Variants in MGMT observed in about 807,000 individuals in gnomAD.
The protein encoded by MGMT is methylated-DNA--protein-cysteine methyltransferase.
A neutral mutation model predicts 15.9 loss-of-function variants in MGMT; 14 were observed. The ratio of observed to expected loss-of-function variants is 0.88; its 90% CI spans 0.58 to 1.37. MGMT has a LOEUF of 1.37. Ranked by LOEUF, MGMT falls within the 40% of genes most tolerant of loss-of-function variation. The pLI, the probability that MGMT is intolerant of heterozygous loss-of-function variation, is 0.00. For synonymous variants in MGMT, 130 were observed against 118.2 expected, an observed-to-expected ratio of 1.10 and a Z score of -0.65; for missense variants, 282 against 268.1, an observed-to-expected ratio of 1.05 and a Z score of -0.36.
chr10:129,654,164 G>A (rs1847497223), intron 2 of MGMT, among the ~76,000 whole-genome samples: 1 of 152,182 alleles, frequency 6.6e-6, no homozygotes, highest in Non-Finnish European at 1.5e-5. Flanking sequence ...AAAGATGCAG[G>A]TGGGAAGCTG....
intron 2 of MGMT, among the ~76,000 whole-genome samples, chr10:129,666,281 C>T (rs1011373895): frequency 6.6e-6 from 1 of 152,120 alleles, no homozygotes; most frequent in Non-Finnish European, 1.5e-5. Flanking sequence ...TCAACTTTCA[C>T]GTTTTAAAAA....
chr10:129,713,775 C>G (rs905107835), intron 3 of MGMT, among the ~76,000 whole-genome samples: 1 of 152,018 alleles, frequency 6.6e-6, no homozygotes, highest in Non-Finnish European at 1.5e-5. Flanking sequence ...TTACACCAGC[C>G]CTGCCTCCCA....
chr10:129,623,402 TG>T (rs1286265216), intron 2 of MGMT, among the ~76,000 whole-genome samples: 1 of 152,040 alleles, frequency 6.6e-6, no homozygotes, highest in Non-Finnish European at 1.5e-5. Flanking sequence ...AGTTTGGAGT[TG>T]GGGGGATATG....
At chr10:129,609,217 T>G (rs1341588869) in intron 2 of MGMT, among the ~76,000 whole-genome samples, 1 of 152,122 alleles carries the variant, frequency 6.6e-6, no homozygotes, top group Non-Finnish European at 1.5e-5. Flanking sequence ...ACCACACCTT[T>G]CCCTCCTCAG....
At chr10:129,732,136 GT>G (rs1246915526) in intron 3 of MGMT, among the ~76,000 whole-genome samples, 2 of 145,120 alleles carry the variant, frequency 1.4e-5, no homozygotes, top group Non-Finnish European at 3.0e-5. Context: ...TGCCTGATAT[GT>G]TGTGGGCTCC....
intron 4 of MGMT, among the ~76,000 whole-genome samples, chr10:129,762,039 G>C (rs550289624): frequency 6.6e-6 from 1 of 152,204 alleles, no homozygotes; most frequent in African/African-American, 2.4e-5. Context: ...AGGATGAAAA[G>C]GTGACCCAGG....
chr10:129,559,655 G>A (rs896696375), intron 2 of MGMT, among the ~76,000 whole-genome samples: 4 of 152,054 alleles, frequency 2.6e-5, no homozygotes, highest in African/African-American at 9.7e-5. Flanking sequence ...ATGAATGTGG[G>A]TTATAGAGTA....
intron 2 of MGMT, among the ~76,000 whole-genome samples, chr10:129,666,296 G>GT (rs1201358715): frequency 6.6e-6 from 1 of 152,120 alleles, no homozygotes; most frequent in Non-Finnish European, 1.5e-5. Flanking sequence ...TAAAAATCCA[G>GT]TTACAGTTTT....
chr10:129,538,645 T>C lies in MGMT; in HGVS notation c.125+2268T>C, dbSNP rs1182997. 1.1e-4 allele frequency among the ~76,000 whole-genome samples: 17 copies of C among 152,132 alleles called. No individual in the cohort carries two copies. The South Asian group carries it at 3.3e-3, about 30-fold the overall frequency. On this transcript the variant is annotated intron_variant, in intron 2 of 4. Transcript: ENST00000651593. The stretch of plus-strand genomic sequence containing the variant: ...AAGTCTTTTGCCCATTTTTTTTTTT[T>C]ATTTCTTTGAGATGGAGGCTTGCTC...
At chr10:129,656,889 T>G (rs1847530212) in intron 2 of MGMT, among the ~76,000 whole-genome samples, 1 of 152,094 alleles carries the variant, frequency 6.6e-6, no homozygotes, top group Non-Finnish European at 1.5e-5. Flanking sequence ...AGGTTCTCCT[T>G]TCATGCTGGG....
intron 3 of MGMT, among the ~76,000 whole-genome samples, chr10:129,744,817 G>T (rs2133174944): frequency 6.6e-6 from 1 of 152,352 alleles, no homozygotes; most frequent in East Asian, 1.9e-4. Context: ...ATGCCGGGTG[G>T]GGATCTGTAG....
chr10:129,688,387 C>T (rs887743263), intron 2 of MGMT, among the ~76,000 whole-genome samples: 4 of 152,200 alleles, frequency 2.6e-5, no homozygotes, highest in African/African-American at 4.8e-5. Flanking sequence ...GCCATTCTAA[C>T]TGGTGTGAGA....
intron 1 of MGMT, among the ~76,000 whole-genome samples, chr10:129,498,789 C>T (rs2119672086): frequency 1.3e-5 from 2 of 152,232 alleles, no homozygotes; most frequent in South Asian, 4.2e-4. Flanking sequence ...TTCCTTTTAG[C>T]TGGAGGATGA....
intron 3 of MGMT, among the ~76,000 whole-genome samples, chr10:129,731,419 G>A (rs536134322): frequency 7.2e-5 from 10 of 138,526 alleles, no homozygotes; most frequent in Admixed American, 2.4e-4. Flanking sequence ...CTTGAGTGCA[G>A]TGACACGATC....
intron 2 of MGMT, among the ~76,000 whole-genome samples, chr10:129,576,813 A>G (rs975396197): frequency 7.2e-5 from 11 of 152,328 alleles, no homozygotes; most frequent in African/African-American, 2.6e-4. Flanking sequence ...AAATCTCCTT[A>G]AGCTGATAAG....
chr10:129,534,516 G>A (rs1335694230), intron 1 of MGMT, among the ~76,000 whole-genome samples: 1 of 152,062 alleles, frequency 6.6e-6, no homozygotes, highest in East Asian at 1.9e-4. Flanking sequence ...CAAAACACTT[G>A]TGTAGTTTGC....
intron 3 of MGMT, among the ~76,000 whole-genome samples, chr10:129,708,474 C>T (rs1332780038): frequency 6.6e-6 from 1 of 152,184 alleles, no homozygotes; most frequent in Non-Finnish European, 1.5e-5. Context: ...TAGCAGGTAG[C>T]AGCATTGGAG....
intron 1 of MGMT, among the ~76,000 whole-genome samples, chr10:129,485,278 G>A (rs1321232891): frequency 6.6e-6 from 1 of 152,114 alleles, no homozygotes; most frequent in Non-Finnish European, 1.5e-5. Context: ...GATGATTCTA[G>A]GTGTTTTGTT....
chr10:129,553,396 C>T (rs1052310131), intron 2 of MGMT, among the ~76,000 whole-genome samples: 5 of 152,192 alleles, frequency 3.3e-5, no homozygotes, highest in South Asian at 2.1e-4. Flanking sequence ...AATTCCTGGA[C>T]GCAGGTGCCT....
Sources: allele counts gnomAD v4.1 joint callset (sites outside exome capture counted in the v4.1 genomes callset), GRCh38; gene constraint gnomAD v4.1.1; transcripts MANE v1.5; gene names NCBI Gene and HGNC (gene_info 2026-07-23, HGNC 2026-07-21).